SLC10A1: variants seen among roughly 807,000 people sequenced by gnomAD.
The protein encoded by SLC10A1 is solute carrier family 10 member 1.
SLC10A1 carries 36 observed loss-of-function variants against 20.5 expected under a neutral mutation model. The observed-to-expected ratio is 1.75, with a 90% CI of 1.34 to 2.32. The LOEUF (loss-of-function observed/expected upper bound fraction) is 2.32. SLC10A1 is among the 30% of genes most tolerant of loss of function. SLC10A1 has a pLI of 0.00. For missense variants in SLC10A1, 545 were observed against 439.1 expected (o/e 1.24, Z -2.16); for synonymous variants, 188 against 163.6 (o/e 1.15, Z -1.14).
At position 69,778,509 on chromosome 14, in the gene SLC10A1, A is replaced by C. The variant is rs750857596; in HGVS notation, c.767T>G (p.Met256Arg). The change falls in exon 4 of 5, where the codon ATG becomes AGG. Residue 256 changes from methionine to arginine, a missense_variant. By Grantham distance (91) the Met-to-Arg change is moderately conservative (BLOSUM62 -1). Coordinates refer to ENST00000216540, the MANE Select transcript of SLC10A1 (RefSeq NM_003049.4). ...LNGRCRRTVSMETGCQNVQLC... is the reference protein window; with the variant it reads ...LNGRCRRTVSRETGCQNVQLC... ...TTGGACATTTTGGCATCCAGTCTCC[A>C]TGCTGACAGTGCGTCTGCACCTGTG... 6.2e-7 allele frequency: 1 copy of C among 1,610,144 alleles called. No individual in the cohort carries two copies. Among genetic ancestry groups the C allele is most frequent in the Admixed American group, 1.7e-5 (1 of 59,608 alleles).
In SLC10A1 at chr14:69,778,429, A is replaced by G; in HGVS notation, c.847T>C (p.Phe283Leu). The stretch of plus-strand genomic sequence containing the variant: ...ATCATGTAGAGGAGGGGAAAGAAGA[A>G]AAGTGGTCCAATGACTTCAGGTGGA... ...AFPPEVIGPL[F>L]FFPLLYMIFQ... The change falls in exon 4 of 5, where the codon TTC becomes CTC. Residue 283 changes from phenylalanine (F) to leucine (L), a missense_variant. By Grantham distance (22) the Phe-to-Leu change is conservative (BLOSUM62 0). Coordinates refer to ENST00000216540, the MANE Select transcript of SLC10A1 (RefSeq NM_003049.4). The G allele has an allele frequency of 6.2e-7, 1 of 1,614,086 alleles. No individual in the cohort carries two copies. The highest frequency in any genetic ancestry group is 8.5e-7 in the Non-Finnish European group (1 of 1,179,974).
Position 69,778,527 on chromosome 14 carries a change from C to T in SLC10A1, c.749G>A (p.Cys250Tyr), listed in dbSNP as rs770673347. The change falls in exon 4 of 5, where the codon TGC becomes TAC. Residue 250 changes from cysteine to tyrosine, a missense_variant and splice_region_variant. Transcript: ENST00000216540. ...AGTCTCCATGCTGACAGTGCGTCTGCACCTGTGCCGGTGAAGAAAACCCCA... is the reference window on the plus strand; with the variant it reads ...AGTCTCCATGCTGACAGTGCGTCTGTACCTGTGCCGGTGAAGAAAACCCCA... ...LSALFCLNGR[C>Y]RRTVSMETGC... The T allele has an allele frequency of 2.1e-5, 34 of 1,594,742 alleles. No homozygotes were observed. The highest frequency in any genetic ancestry group is 1.6e-4 in the Admixed American group (9 of 56,510).
intron 1 of SLC10A1, among the ~76,000 whole-genome samples, chr14:69,790,814 A>C (rs538296879): frequency 6.6e-6 from 1 of 152,240 alleles, no homozygotes; most frequent in East Asian, 1.9e-4. Context: ...TAGAAAAAGT[A>C]TAGGGATGGG....
intron 1 of SLC10A1, among the ~76,000 whole-genome samples, chr14:69,788,946 A>G (rs1245317187): frequency 6.6e-6 from 1 of 152,244 alleles, no homozygotes; most frequent in African/African-American, 2.4e-5. Context: ...ACAAATGGCT[A>G]ATGAGCACAT....
At chr14:69,789,462 C>T (rs1883793937) in intron 1 of SLC10A1, among the ~76,000 whole-genome samples, 1 of 152,140 alleles carries the variant, frequency 6.6e-6, no homozygotes, top group East Asian at 1.9e-4. Flanking sequence ...TACAAAAGGT[C>T]ACATATTGAA....
chr14:69,785,204 GGA>G (rs2139716243), intron 2 of SLC10A1, among the ~76,000 whole-genome samples: 1 of 152,278 alleles, frequency 6.6e-6, no homozygotes, highest in African/African-American at 2.4e-5. Context: ...AAATATTGGT[GGA>G]GAGACCATAG....
At chr14:69,785,060 A>G (rs549990919) in intron 2 of SLC10A1, among the ~76,000 whole-genome samples, 70 of 152,280 alleles carry the variant, frequency 4.6e-4, no homozygotes, top group African/African-American at 1.6e-3. Context: ...GGCCAGAGGC[A>G]TTGATCCAGG....
At chr14:69,777,588 T>TTTTTTTTC (rs1883476411) in intron 4 of SLC10A1, among the ~76,000 whole-genome samples, 1 of 93,152 alleles carries the variant, frequency 1.1e-5, no homozygotes, top group African/African-American at 6.0e-5. Context: ...GTTTTTTTTT[T>TTTTTTTTC]TTTTTTTTTT....
chr14:69,787,319 A>G (rs1216136292), intron 1 of SLC10A1, among the ~76,000 whole-genome samples: 1 of 152,232 alleles, frequency 6.6e-6, no homozygotes, highest in African/African-American at 2.4e-5. Flanking sequence ...GAGGCCCTCC[A>G]GAAAGGTCAA....
Position 69,775,865 on chromosome 14 carries a change from G to A in SLC10A1, c.*417C>T, listed in dbSNP as rs1883433329. On this transcript the variant is annotated 3_prime_UTR_variant, in exon 5 of 5. Transcript: ENST00000216540. Reference sequence around the variant, plus strand: ...AGAACTTCTGAAGTTTAATTCTACAGCACTTGTGAGCATTTATTTCTCTTT... The same window carrying A: ...AGAACTTCTGAAGTTTAATTCTACAACACTTGTGAGCATTTATTTCTCTTT... 6.4e-6 allele frequency: 1 copy of A among 157,252 alleles called. No homozygotes were observed. The highest frequency in any genetic ancestry group is 2.4e-5 in the African/African-American group (1 of 41,528). 9.7% of individuals were successfully genotyped at this position (157,252 alleles called of 1,614,324 possible). A position where few individuals can be genotyped will look rare whatever the true frequency, so the allele number is the denominator to read the frequency against.
chr14:69,776,518 C>T (rs1481613906), intron 4 of SLC10A1, 130 bp from the exon 5 acceptor site: 2 of 677,192 alleles, frequency 3.0e-6, no homozygotes, highest in East Asian at 5.5e-5. Context: ...TTTTCCATCT[C>T]TGTCGTCTCT....
At position 69,796,990 on chromosome 14, in the gene SLC10A1, ATAAG is replaced by A. The variant is rs1484294922; in HGVS notation, c.162_165del (p.Leu55GlyfsTer30). 1 of 1,614,264 alleles carries A rather than the reference ATAAG, an allele frequency of 6.2e-7. No individual in the cohort carries two copies. The highest frequency in any genetic ancestry group is 1.1e-5 in the South Asian group (1 of 91,086). On this transcript the variant is annotated frameshift_variant, in exon 1 of 5. Transcript: ENST00000216540. LOFTEE classifies it high-confidence loss of function. ...GCGATGGCCAGCCCTTTAGGCTTCC[ATAAG>A]TGAGCCTTGATCTTGCTGAACTCCA... is the stretch of plus-strand genomic sequence containing the variant.
intron 2 of SLC10A1, 29 bp downstream of exon 2, chr14:69,786,068 C>G (rs1302988401): frequency 6.3e-7 from 1 of 1,576,322 alleles, no homozygotes; most frequent in Non-Finnish European, 8.7e-7. Context: ...CTCTTTTGCC[C>G]TAATTTGTCA....
chr14:69,782,213 G>A (rs1201718390), intron 2 of SLC10A1, among the ~76,000 whole-genome samples: 1 of 152,216 alleles, frequency 6.6e-6, no homozygotes, highest in Non-Finnish European at 1.5e-5. Flanking sequence ...GGTTTAGCCA[G>A]GGGCAAAATG....
intron 1 of SLC10A1, among the ~76,000 whole-genome samples, chr14:69,788,971 C>A (rs571214016): frequency 6.6e-6 from 1 of 152,298 alleles, no homozygotes; most frequent in South Asian, 2.1e-4. Context: ...AGATGCTCAA[C>A]ATCATTACTT....
At chr14:69,791,782 T>A (rs1207188399) in intron 1 of SLC10A1, among the ~76,000 whole-genome samples, 4 of 152,216 alleles carry the variant, frequency 2.6e-5, no homozygotes, top group Admixed American at 1.3e-4. Context: ...TGGAGAAAAA[T>A]TCACTCAACG....
intron 1 of SLC10A1, among the ~76,000 whole-genome samples, chr14:69,788,294 A>G (rs1385194171): frequency 6.6e-6 from 1 of 152,174 alleles, no homozygotes; most frequent in Non-Finnish European, 1.5e-5. Flanking sequence ...TGGAAACAGT[A>G]TTTAGAATAT....
Position 69,776,375 on chromosome 14 carries a change from C to A in SLC10A1, c.957G>T (p.Met319Ile). Residue 319 changes from methionine to isoleucine, a missense_variant, in exon 5 of 5, where the codon ATG (methionine) becomes ATT (isoleucine). Physicochemically the swap from Met to Ile is conservative, Grantham distance 10. Transcript: ENST00000216540. ...CTTCAGTTGTGGCAGCTGTGTAGAT[C>A]ATTTTTGTTTTATCTGTAAAGTTAA... Reference protein sequence around the residue: ...KFKTPKDKTKMIYTAATTEET... With the variant: ...KFKTPKDKTKIIYTAATTEET... 1.2e-6 allele frequency: 2 copies of A among 1,613,176 alleles called. No homozygotes were observed. Among genetic ancestry groups the A allele is most frequent in the South Asian group, 1.1e-5 (1 of 91,010 alleles).
chr14:69,776,042 G>C lies in SLC10A1; in HGVS notation c.*240C>G, dbSNP rs1039818165. On this transcript the variant is annotated 3_prime_UTR_variant, in exon 5 of 5. Transcript: ENST00000216540. Reference sequence around the variant, plus strand: ...CAGATTCGGTTTCTGGTTTCATAGAGTTTACAGTCACTGAACAAGTCTTTA... The same window carrying C: ...CAGATTCGGTTTCTGGTTTCATAGACTTTACAGTCACTGAACAAGTCTTTA... 1 of 514,952 alleles carries C rather than the reference G, an allele frequency of 1.9e-6. No individual in the cohort carries two copies. Among genetic ancestry groups the C allele is most frequent in the African/African-American group, 1.9e-5 (1 of 51,712 alleles). The allele number at this position is 514,952 out of a possible 1,614,324, so 31.9% of individuals were successfully genotyped here.
Sources: gnomAD v4.1 joint callset for allele counts (sites outside exome capture counted in the v4.1 genomes callset) on GRCh38, gnomAD v4.1.1 for gene constraint, MANE v1.5 for transcripts, NCBI Gene and HGNC (gene_info 2026-07-23, HGNC 2026-07-21) for gene names.